RSPO2: variants seen among roughly 807,000 people sequenced by gnomAD.
The protein encoded by RSPO2 is R-spondin-2.
Under a neutral mutation model 30.9 loss-of-function variants are expected in RSPO2, and 14 were observed. The ratio of observed to expected loss-of-function variants is 0.45; its 90% confidence interval spans 0.30 to 0.71. The LOEUF is 0.71. RSPO2 is among the 30% of genes least tolerant of loss of function. RSPO2 has a pLI of 0.08. For synonymous variants in RSPO2, 107 were observed against 96.4 expected (o/e 1.11, Z -0.64); for missense variants, 264 against 301.9 (o/e 0.87, Z 0.93).
intron 5 of RSPO2, among the ~76,000 whole-genome samples, chr8:107,901,448 C>T (rs936266136): frequency 1.3e-5 from 2 of 152,218 alleles, no homozygotes; most frequent in Non-Finnish European, 2.9e-5. Context: ...TGGCCTGATC[C>T]GTCTTTCAAA....
chr8:107,902,244 T>C (rs1020422339), intron 5 of RSPO2, among the ~76,000 whole-genome samples: 2 of 152,206 alleles, frequency 1.3e-5, no homozygotes, highest in Admixed American at 6.5e-5. Context: ...TTTGTCTCAA[T>C]GAACAAGAAA....
chr8:108,024,189 A>T (rs530078065), intron 2 of RSPO2, among the ~76,000 whole-genome samples: 37 of 152,154 alleles, frequency 2.4e-4, no homozygotes, highest in Non-Finnish European at 4.6e-4. Flanking sequence ...ACGACAACTT[A>T]AAAAAAAGTT....
intron 5 of RSPO2, among the ~76,000 whole-genome samples, chr8:107,932,548 A>G (rs1563526820): frequency 6.6e-6 from 1 of 152,230 alleles, no homozygotes; most frequent in Non-Finnish European, 1.5e-5. Context: ...GGAGGAAAAG[A>G]TAATAAACAG....
chr8:107,993,946 C>G (rs1284026920), intron 2 of RSPO2, among the ~76,000 whole-genome samples: 1 of 152,012 alleles, frequency 6.6e-6, no homozygotes, highest in Admixed American at 6.6e-5. Context: ...TCCCATAATC[C>G]CATAGAATCT....
At chr8:108,041,710 A>G (rs1811762800) in intron 2 of RSPO2, among the ~76,000 whole-genome samples, 1 of 152,122 alleles carries the variant, frequency 6.6e-6, no homozygotes, top group African/African-American at 2.4e-5. Context: ...GATCAATACT[A>G]CAGAAAACCA....
At chr8:108,006,026 G>T (rs903867868) in intron 2 of RSPO2, among the ~76,000 whole-genome samples, 4 of 152,028 alleles carry the variant, frequency 2.6e-5, no homozygotes, top group African/African-American at 9.7e-5. Context: ...TGTTATTATG[G>T]GCCTTTTTAG....
intron 2 of RSPO2, among the ~76,000 whole-genome samples, chr8:108,024,483 T>C (rs1811143805): frequency 6.6e-6 from 1 of 151,834 alleles, no homozygotes; most frequent in Non-Finnish European, 1.5e-5. Flanking sequence ...ATGTTACCTT[T>C]GATAGCAGAA....
chr8:108,025,974 T>A (rs1361948240), intron 2 of RSPO2, among the ~76,000 whole-genome samples: 1 of 152,232 alleles, frequency 6.6e-6, no homozygotes, highest in African/African-American at 2.4e-5. Flanking sequence ...TTTTATATCA[T>A]ATCAAAGTAT....
chr8:108,012,467 C>T (rs369198921), intron 2 of RSPO2, among the ~76,000 whole-genome samples: 126 of 152,264 alleles, frequency 8.3e-4, no homozygotes, highest in African/African-American at 2.6e-3. Flanking sequence ...GTAAGGAAAA[C>T]GGATAATCTG....
chr8:108,003,317 T>A (rs796778449), intron 2 of RSPO2, among the ~76,000 whole-genome samples: 257 of 15,186 alleles, frequency 0.017, no homozygotes, highest in African/African-American at 0.033. Context: ...ATATATTTTT[T>A]TTTTTTTTTT....
chr8:107,921,132 T>C (rs1201951465), intron 5 of RSPO2, among the ~76,000 whole-genome samples: 1 of 152,134 alleles, frequency 6.6e-6, no homozygotes, highest in Non-Finnish European at 1.5e-5. Context: ...AATTTTTTGG[T>C]GGGTACATTA....
intron 2 of RSPO2, among the ~76,000 whole-genome samples, chr8:108,031,123 A>C (rs550830584): frequency 3.9e-5 from 6 of 152,318 alleles, no homozygotes; most frequent in African/African-American, 1.4e-4. Context: ...TATGCATCTA[A>C]GTTACATTTC....
intron 3 of RSPO2, among the ~76,000 whole-genome samples, chr8:107,987,990 C>G (rs1425976839): frequency 6.6e-6 from 1 of 152,060 alleles, no homozygotes; most frequent in African/African-American, 2.4e-5. Context: ...TACCTTTTGT[C>G]ATTTTATTCT....
intron 2 of RSPO2, among the ~76,000 whole-genome samples, chr8:108,042,313 A>G (rs1811783975): frequency 6.6e-6 from 1 of 152,180 alleles, no homozygotes; most frequent in Non-Finnish European, 1.5e-5. Context: ...GGGGGAAGAC[A>G]GCATGAATGA....
intron 5 of RSPO2, among the ~76,000 whole-genome samples, chr8:107,944,718 A>C (rs1313473867): frequency 1.3e-5 from 2 of 152,172 alleles, no homozygotes; most frequent in South Asian, 4.1e-4. Flanking sequence ...CATCATGGGG[A>C]ATTCACTCTT....
At chr8:107,966,434 T>C (rs1015306740) in intron 3 of RSPO2, among the ~76,000 whole-genome samples, 12 of 152,120 alleles carry the variant, frequency 7.9e-5, no homozygotes, top group African/African-American at 2.9e-4. Flanking sequence ...TACTCTAAGC[T>C]TGACGTAAAG....
intron 5 of RSPO2, among the ~76,000 whole-genome samples, chr8:107,930,245 A>G (rs920869297): frequency 3.3e-5 from 5 of 152,242 alleles, no homozygotes; most frequent in Non-Finnish European, 7.3e-5. Flanking sequence ...CAAAGTTCAC[A>G]GAGGTACTAA....
rs761332132 is a variant in RSPO2, at chr8:107,901,132, T to TATCA, written c.671_674dup (p.Glu226AspfsTer18). On this transcript the variant is annotated frameshift_variant, in exon 6 of 6. Coordinates refer to ENST00000276659, the MANE Select transcript of RSPO2 (RefSeq NM_178565.5). LOFTEE classifies it high-confidence loss of function. ...CGCTGTGTTGCTCCTGGGCCCTTTC[T>TATCA]ATCAGCTTCCTTTTCTTTTTCTTGT... 3.2e-5 allele frequency: 52 copies of TATCA among 1,614,062 alleles called. No homozygotes were observed. The highest frequency in any genetic ancestry group is 4.2e-5 in the Non-Finnish European group (49 of 1,180,002).
chr8:108,056,086 C>G (rs1205839551), intron 2 of RSPO2, among the ~76,000 whole-genome samples: 1 of 152,118 alleles, frequency 6.6e-6, no homozygotes, highest in African/African-American at 2.4e-5. Context: ...AATATGTAAC[C>G]TTAAAAACTA....
Sources: allele counts gnomAD v4.1 joint callset (sites outside exome capture counted in the v4.1 genomes callset), GRCh38; gene constraint gnomAD v4.1.1; transcripts MANE v1.5; gene names NCBI Gene and HGNC (gene_info 2026-07-23, HGNC 2026-07-21).